PCDHGB4: variants seen among roughly 807,000 people sequenced by gnomAD.
The protein encoded by PCDHGB4 is protocadherin gamma-B4.
Under a neutral mutation model 60.5 loss-of-function variants are expected in PCDHGB4, and 38 were observed. The observed-to-expected ratio is 0.63, with a 90% confidence interval of 0.48 to 0.82. The LOEUF (loss-of-function observed/expected upper bound fraction) is 0.82. Among genes scored for constraint, PCDHGB4 ranks in the 40% least tolerant of loss-of-function variants. The pLI is 0.00. For synonymous variants in PCDHGB4, 456 were observed against 509.7 expected, an observed-to-expected ratio of 0.89 and a Z score of 1.42; for missense variants, 1,109 against 1,209.6, an observed-to-expected ratio of 0.92 and a Z score of 1.23.
chr5:141,465,881 G>T (rs1000308014), intron 1 of PCDHGB4, among the ~76,000 whole-genome samples: 1 of 151,960 alleles, frequency 6.6e-6, no homozygotes, highest in African/African-American at 2.4e-5. Flanking sequence ...CCAGCACTTT[G>T]GGAGGCCGAG....
intron 1 of PCDHGB4, among the ~76,000 whole-genome samples, chr5:141,460,050 C>T (rs1477206197): frequency 6.6e-6 from 1 of 152,064 alleles, no homozygotes; most frequent in Non-Finnish European, 1.5e-5. Context: ...TGCACTCCAG[C>T]CTGGGCAACA....
In PCDHGB4 at chr5:141,491,169, G is replaced by A. The variant is rs374498014; in HGVS notation, c.2398-3638G>A. The A allele has an allele frequency of 1.2e-6, 2 of 1,614,192 alleles. No homozygotes were observed. Among genetic ancestry groups the A allele is most frequent in the African/African-American group, 1.3e-5 (1 of 75,058 alleles). On this transcript the variant is annotated intron_variant, in intron 1 of 3. Transcript: ENST00000519479. The surrounding 1 kb of genome is among the most constrained non-coding windows in gnomAD (Gnocchi z 6.9). ...TGGAGGATGACTCTGACACCCAGCA[G>A]GTGGTGGTCCTGGTGAGGGACAATG...
rs776990176 is a variant in PCDHGB4 at position 141,485,136 on chromosome 5, C to A, written c.2398-9671C>A. ...GTTTGGGGCGGGTCGGCTTCATCCG[C>A]GTCTCAGGAGCAAGTAGAGAATTAG... On this transcript the variant is annotated intron_variant, in intron 1 of 3. Transcript: ENST00000519479. The surrounding 1 kb of genome is among the most constrained non-coding windows in gnomAD (Gnocchi z 5.7). The A allele has an allele frequency of 4.0e-6, 6 of 1,502,706 alleles. No individual in the cohort carries two copies. The South Asian group carries it at 5.9e-5, about 15-fold the overall frequency. The allele number at this position is 1,502,706 out of a possible 1,614,324, so 93.1% of individuals were successfully genotyped here.
chr5:141,454,798 T>A (rs866302149), intron 1 of PCDHGB4, among the ~76,000 whole-genome samples: 2 of 58,950 alleles, frequency 3.4e-5, no homozygotes, highest in Non-Finnish European at 6.4e-5. Context: ...TGGTTCTAAT[T>A]TTTTTTTTTT....
chr5:141,399,310 A>G, intron 1 of PCDHGB4: 2 of 1,613,936 alleles, frequency 1.2e-6, no homozygotes, highest in Non-Finnish European at 1.7e-6. Context: ...CTCTTCATCC[A>G]AAAATTCGTA....
At chr5:141,409,331 G>A (rs1447189643) in intron 1 of PCDHGB4, 1 of 1,613,818 alleles carries the variant, frequency 6.2e-7, no homozygotes, top group African/African-American at 1.3e-5. Context: ...TCTGGATTTC[G>A]GAGGAAATGG....
chr5:141,398,707 C>T, intron 1 of PCDHGB4: 1 of 1,613,860 alleles, frequency 6.2e-7, no homozygotes, highest in Non-Finnish European at 8.5e-7. Flanking sequence ...ATACCCGGAA[C>T]TGGCACTGGA....
intron 1 of PCDHGB4, among the ~76,000 whole-genome samples, chr5:141,455,138 T>C (rs1393664563): frequency 6.6e-6 from 1 of 151,028 alleles, no homozygotes; most frequent in Non-Finnish European, 1.5e-5. Context: ...TTACACTGTG[T>C]TAAATAAATA....
chr5:141,467,376 A>G (rs1391386659), intron 1 of PCDHGB4, among the ~76,000 whole-genome samples: 2 of 151,990 alleles, frequency 1.3e-5, no homozygotes. Flanking sequence ...CTTATATTGC[A>G]TTTAGGTTTT....
At chr5:141,399,679 T>C (rs757165628) in intron 1 of PCDHGB4, 4 of 1,613,560 alleles carry the variant, frequency 2.5e-6, no homozygotes, top group South Asian at 2.2e-5. Flanking sequence ...CGCCTTTGAC[T>C]ACGAGCAGCT....
At chr5:141,468,871 T>TAAG (rs796694379) in intron 1 of PCDHGB4, among the ~76,000 whole-genome samples, 1 of 148,338 alleles carries the variant, frequency 6.7e-6, no homozygotes, top group African/African-American at 2.5e-5. Flanking sequence ...ATCTCAAAAA[T>TAAG]AATAATAATA....
chr5:141,423,804 T>C (rs571396807), intron 1 of PCDHGB4: 50 of 1,240,508 alleles, frequency 4.0e-5, no homozygotes, highest in African/African-American at 2.7e-4. Flanking sequence ...GAGCAATACA[T>C]GTGAGTTTTA....
chr5:141,419,744 G>C (rs760207269), intron 1 of PCDHGB4: 1 of 1,613,896 alleles, frequency 6.2e-7, no homozygotes, highest in Non-Finnish European at 8.5e-7. Context: ...GGTGCGCATG[G>C]TGCGTGCTTT....
chr5:141,503,343 T>C (rs558650835), intron 2 of PCDHGB4, among the ~76,000 whole-genome samples: 87 of 152,106 alleles, frequency 5.7e-4, no homozygotes, highest in South Asian at 1.2e-3. Flanking sequence ...ACGCCTGTAA[T>C]TCCAGCACTT....
chr5:141,444,561 GA>G (rs778707459), intron 1 of PCDHGB4, among the ~76,000 whole-genome samples: 17 of 152,098 alleles, frequency 1.1e-4, no homozygotes, highest in Non-Finnish European at 2.1e-4. Context: ...GCACTTATTT[GA>G]CACTTTTGAC....
chr5:141,447,514 C>T (rs901543835), intron 1 of PCDHGB4, among the ~76,000 whole-genome samples: 20 of 152,196 alleles, frequency 1.3e-4, no homozygotes, highest in Admixed American at 8.5e-4. Context: ...AGATGCATAA[C>T]AATCATAACA....
At chr5:141,434,193 T>G (rs2097677103) in intron 1 of PCDHGB4, among the ~76,000 whole-genome samples, 1 of 152,246 alleles carries the variant, frequency 6.6e-6, no homozygotes, top group South Asian at 2.1e-4. Flanking sequence ...GTAATTCCAA[T>G]GTACTTACTT....
At position 141,490,908 on chromosome 5, in the gene PCDHGB4, C is replaced by A; in HGVS notation, c.2398-3899C>A. On this transcript the variant is annotated intron_variant, in intron 1 of 3. Coordinates refer to ENST00000519479, the MANE Select transcript of PCDHGB4 (RefSeq NM_003736.4). The surrounding 1 kb of genome is among the most constrained non-coding windows in gnomAD (Gnocchi z 5.4). The stretch of plus-strand genomic sequence containing the variant: ...CATCTCTGCATGTGTTTGTCCTAGA[C>A]GAGAATGATAATGCCCCAGCTGTGC... The A allele has an allele frequency of 6.2e-7, 1 of 1,613,710 alleles. No homozygotes were observed. Among genetic ancestry groups the A allele is most frequent in the Non-Finnish European group, 8.5e-7 (1 of 1,179,754 alleles).
chr5:141,422,410 T>C, intron 1 of PCDHGB4: 1 of 1,601,816 alleles, frequency 6.2e-7, no homozygotes, highest in Non-Finnish European at 8.5e-7. Context: ...GCCTTTTAAA[T>C]TAGAAAAGAC....
Sources: allele counts gnomAD v4.1 joint callset (sites outside exome capture counted in the v4.1 genomes callset), GRCh38; gene constraint gnomAD v4.1.1; non-coding constraint Gnocchi (gnomAD v3.1); transcripts MANE v1.5; gene names NCBI Gene and HGNC (gene_info 2026-07-23, HGNC 2026-07-21).